LRP1B: variants seen among roughly 807,000 people sequenced by gnomAD.
LRP1B encodes the protein low-density lipoprotein receptor-related protein 1B.
A neutral mutation model predicts 556.6 loss-of-function variants in LRP1B; 217 were observed. That is an observed-to-expected ratio of 0.39 (90% CI 0.35 to 0.44). The LOEUF is 0.44. Among genes scored for constraint, LRP1B ranks in the 20% least tolerant of loss-of-function variants. LRP1B has a pLI of 1.00. For synonymous variants in LRP1B, 2,047 were observed against 1,865.8 expected, an observed-to-expected ratio of 1.10 and a Z score of -2.50; for missense variants, 5,053 against 5,620.8, an observed-to-expected ratio of 0.90 and a Z score of 3.23.
chr2:141,612,081 CA>C (rs1688126418), intron 2 of LRP1B, among the ~76,000 whole-genome samples: 1 of 152,168 alleles, frequency 6.6e-6, no homozygotes, highest in Admixed American at 6.5e-5. Context: ...GCTGGATTTT[CA>C]AGACACAAAC....
At chr2:141,312,615 T>C (rs1463273519) in intron 3 of LRP1B, among the ~76,000 whole-genome samples, 4 of 152,188 alleles carry the variant, frequency 2.6e-5, no homozygotes, top group Admixed American at 2.0e-4. Flanking sequence ...AACAAAAAAT[T>C]GACTAAGTTG....
intron 1 of LRP1B, among the ~76,000 whole-genome samples, chr2:142,012,487 T>C (rs1181807168): frequency 1.3e-5 from 2 of 152,168 alleles, no homozygotes; most frequent in East Asian, 3.9e-4. Flanking sequence ...ATGTCAACTA[T>C]GGTAATGACA....
intron 7 of LRP1B, among the ~76,000 whole-genome samples, chr2:141,108,328 CTGTT>C (rs1700658317): frequency 1.9e-5 from 2 of 103,692 alleles, no homozygotes; most frequent in Non-Finnish European, 4.0e-5. Context: ...TGTTTATAAT[CTGTT>C]TCTTTTTTTT....
intron 79 of LRP1B, among the ~76,000 whole-genome samples, chr2:140,327,942 T>C (rs1043516361): frequency 2.6e-5 from 4 of 151,410 alleles, no homozygotes; most frequent in Non-Finnish European, 5.9e-5. Flanking sequence ...CACAAATCAA[T>C]ACTTTTGATT....
At chr2:140,897,151 A>G (rs2105212994) in intron 23 of LRP1B, among the ~76,000 whole-genome samples, 1 of 152,352 alleles carries the variant, frequency 6.6e-6, no homozygotes, top group Middle Eastern at 3.4e-3. Context: ...TTACTTTTCT[A>G]TAAAATTATG....
chr2:140,325,191 G>C (rs1015141675), intron 80 of LRP1B, among the ~76,000 whole-genome samples: 4 of 151,892 alleles, frequency 2.6e-5, no homozygotes, highest in African/African-American at 9.7e-5. Flanking sequence ...GGAAGAGAAG[G>C]GAGCTGGAAA....
chr2:141,148,499 G>A (rs1701840317), intron 7 of LRP1B, among the ~76,000 whole-genome samples: 1 of 152,134 alleles, frequency 6.6e-6, no homozygotes, highest in Non-Finnish European at 1.5e-5. Context: ...TCTGTTCTGG[G>A]GCTGGGAGTG....
chr2:140,773,264 G>A (rs1208539463), intron 33 of LRP1B, among the ~76,000 whole-genome samples: 10 of 151,972 alleles, frequency 6.6e-5, no homozygotes, highest in African/African-American at 1.9e-4. Flanking sequence ...CAAGAGTTCC[G>A]GACCAGAGCG....
intron 17 of LRP1B, among the ~76,000 whole-genome samples, chr2:140,985,858 TAC>T (rs1696906436): frequency 7.0e-6 from 1 of 142,352 alleles, no homozygotes; most frequent in Non-Finnish European, 1.5e-5. Flanking sequence ...CTATATTTGT[TAC>T]AGATTTTTAT....
At chr2:141,410,129 C>G (rs1442726459) in intron 3 of LRP1B, among the ~76,000 whole-genome samples, 1 of 152,016 alleles carries the variant, frequency 6.6e-6, no homozygotes, top group East Asian at 1.9e-4. Flanking sequence ...TTGCAGACTT[C>G]AAAATGAAGA....
rs140406156 is a variant in LRP1B, at chr2:140,778,130, G to C, written c.5360-1892C>G. 4.6e-5 allele frequency among the ~76,000 whole-genome samples: 7 copies of C among 152,274 alleles called. No homozygotes were observed. In the East Asian group the frequency reaches 1.3e-3, roughly 29 times the overall value. On this transcript the variant is annotated intron_variant, in intron 32 of 90. Transcript: ENST00000389484. Reference sequence around the variant, plus strand: ...TTAATATTGTGTCACAAAATGAAAAGTGCATAAGGTCCTTCTGCTGCCTAC... The same window carrying C: ...TTAATATTGTGTCACAAAATGAAAACTGCATAAGGTCCTTCTGCTGCCTAC...
intron 1 of LRP1B, among the ~76,000 whole-genome samples, chr2:141,992,496 A>G (rs1263866787): frequency 6.6e-6 from 1 of 152,152 alleles, no homozygotes; most frequent in Non-Finnish European, 1.5e-5. Context: ...TGGCTTCTTA[A>G]GTAAAATTTT....
intron 18 of LRP1B, among the ~76,000 whole-genome samples, chr2:140,971,614 G>C (rs1383513061): frequency 1.3e-5 from 2 of 152,134 alleles, no homozygotes; most frequent in African/African-American, 2.4e-5. Context: ...GGCAGATCAC[G>C]ACAAGGTCAG....
At chr2:141,444,634 G>T (rs947509497) in intron 3 of LRP1B, among the ~76,000 whole-genome samples, 8 of 152,164 alleles carry the variant, frequency 5.3e-5, no homozygotes, top group Non-Finnish European at 1.2e-4. Context: ...TTTTTAGTAT[G>T]AAGGTGTGTT....
At chr2:140,452,959 G>GT (rs1356963917) in intron 62 of LRP1B, among the ~76,000 whole-genome samples, 28 of 47,468 alleles carry the variant, frequency 5.9e-4, no homozygotes, top group Admixed American at 1.7e-3. Context: ...GTGTGTGTGT[G>GT]TGTTTTTTTT....
chr2:140,330,339 G>A (rs1269876855), intron 79 of LRP1B, among the ~76,000 whole-genome samples: 5 of 151,784 alleles, frequency 3.3e-5, no homozygotes, highest in Admixed American at 6.6e-5. Flanking sequence ...ATACTACAAG[G>A]CTATAGTAAC....
At chr2:141,089,524 GTT>G (rs1265907974) in intron 7 of LRP1B, among the ~76,000 whole-genome samples, 3 of 152,144 alleles carry the variant, frequency 2.0e-5, no homozygotes. Flanking sequence ...TGAAAATTGT[GTT>G]TAACAGGAAA....
chr2:141,055,254 T>C lies in LRP1B; in HGVS notation c.1414A>G (p.Ser472Gly), dbSNP rs2105456234. ...TATGGATCGACTTCACATGCATGGC[T>C]TCTGACTACAACAAATAAAAAACAG... is the stretch of plus-strand genomic sequence containing the variant. ...YQKRTQPTVR[S>G]HACEVDPYGM... The change falls in exon 10 of 91, where the codon AGC becomes GGC. Residue 472 changes from serine (S) to glycine (G), a missense_variant. Physicochemically the swap from Ser to Gly is moderately conservative, Grantham distance 56. Coordinates refer to ENST00000389484, the MANE Select transcript of LRP1B (RefSeq NM_018557.3). 6.2e-7 allele frequency: 1 copy of C among 1,608,984 alleles called. No homozygotes were observed. Among genetic ancestry groups the C allele is most frequent in the Non-Finnish European group, 8.5e-7 (1 of 1,177,642 alleles).
At chr2:141,265,035 A>C (rs1000695441) in intron 3 of LRP1B, among the ~76,000 whole-genome samples, 1 of 152,132 alleles carries the variant, frequency 6.6e-6, no homozygotes, top group African/African-American at 2.4e-5. Flanking sequence ...GCTCCTGCTA[A>C]TGCACCTCCA....
Sources: allele counts gnomAD v4.1 joint callset (sites outside exome capture counted in the v4.1 genomes callset), GRCh38; gene constraint gnomAD v4.1.1; transcripts MANE v1.5; gene names NCBI Gene and HGNC (gene_info 2026-07-23, HGNC 2026-07-21).